Variants in OTUD7B observed in about 807,000 individuals in gnomAD.
OTUD7B encodes the protein OTU deubiquitinase 7B.
A neutral mutation model predicts 82.2 loss-of-function variants in OTUD7B; 34 were observed. The ratio of observed to expected loss-of-function variants is 0.41; its 90% CI spans 0.31 to 0.55. OTUD7B has a LOEUF of 0.55. OTUD7B is among the 20% of genes least tolerant of loss of function. The pLI is 0.20. For synonymous variants in OTUD7B, 398 were observed against 402.7 expected (o/e 0.99, Z 0.14); for missense variants, 944 against 1,062.1 (o/e 0.89, Z 1.55).
chr1:149,965,641 C>T (rs999905722), intron 5 of OTUD7B, 136 bp downstream of exon 5: 15 of 653,560 alleles, frequency 2.3e-5, no homozygotes, highest in Middle Eastern at 3.8e-4. Flanking sequence ...CAGACACACA[C>T]GTAAGCATGC....
chr1:149,970,263 T>C (rs1553777363), intron 3 of OTUD7B, among the ~76,000 whole-genome samples: 1 of 151,786 alleles, frequency 6.6e-6, no homozygotes, highest in Non-Finnish European at 1.5e-5. Flanking sequence ...ATAATGCTGC[T>C]GTGAATATCC....
At chr1:150,000,272 G>A (rs909012006) in intron 1 of OTUD7B, among the ~76,000 whole-genome samples, 8 of 151,850 alleles carry the variant, frequency 5.3e-5, no homozygotes, top group African/African-American at 7.2e-5. Flanking sequence ...TCAGGAGTTC[G>A]AGACCAGCCT....
At chr1:150,026,665 A>G in the OTUD7B span, among the ~76,000 whole-genome samples, 1 of 152,230 alleles carries the variant, frequency 6.6e-6, no homozygotes, top group African/African-American at 2.4e-5. Context: ...ATATAAGCCC[A>G]GGGCTACTTA....
At chr1:149,959,889 C>A in intron 6 of OTUD7B, 93 bp from the exon 7 acceptor site, 1 of 784,114 alleles carries the variant, frequency 1.3e-6, no homozygotes, top group East Asian at 2.4e-5. Context: ...TACTTACTCC[C>A]TAATCCCTTA....
At chr1:150,002,390 C>A (rs1405968015) in intron 1 of OTUD7B, among the ~76,000 whole-genome samples, 2 of 152,182 alleles carry the variant, frequency 1.3e-5, no homozygotes, top group African/African-American at 4.8e-5. Flanking sequence ...TGAATCACTA[C>A]AGCTGAAAAA....
chr1:150,062,708 C>CTT, the OTUD7B span, among the ~76,000 whole-genome samples: 11,076 of 95,960 alleles, frequency 0.12, 1,146 homozygotes, highest in Middle Eastern at 0.17. Flanking sequence ...CTTCTTCTTT[C>CTT]TTTTTTTTTT....
chr1:149,982,841 C>CTT (rs34122678), intron 1 of OTUD7B, among the ~76,000 whole-genome samples: 863 of 84,152 alleles, frequency 0.01, 66 homozygotes, highest in Admixed American at 0.048. Context: ...TCCTCTCTTA[C>CTT]TTTTTTTTTT....
Position 149,943,618 on chromosome 1 carries a change from T to C in OTUD7B, c.*239A>G. 1 of 528,602 alleles carries C rather than the reference T, an allele frequency of 1.9e-6. No homozygotes were observed. The allele number at this position is 528,602 out of a possible 1,614,324, so 32.7% of individuals were successfully genotyped here. On this transcript the variant is annotated 3_prime_UTR_variant, in exon 12 of 12. Transcript: ENST00000581312. ...AATCGCCATCTTTTCCCCTTGTACCTCAAACCTCATCAAGTCAAGCTCTGC... is the reference window on the plus strand; with the variant it reads ...AATCGCCATCTTTTCCCCTTGTACCCCAAACCTCATCAAGTCAAGCTCTGC...
chr1:149,983,828 G>A (rs782152982), intron 1 of OTUD7B, among the ~76,000 whole-genome samples: 2 of 152,158 alleles, frequency 1.3e-5, no homozygotes, highest in Admixed American at 1.3e-4. Flanking sequence ...AGTGGATTTA[G>A]GGAGAGAATT....
intron 1 of OTUD7B, among the ~76,000 whole-genome samples, chr1:149,996,400 C>A (rs1283122359): frequency 1.3e-5 from 2 of 152,050 alleles, no homozygotes; most frequent in African/African-American, 4.8e-5. Flanking sequence ...AACTGGGGTT[C>A]CACCTATTTT....
At chr1:150,038,308 T>C in the OTUD7B span, among the ~76,000 whole-genome samples, 2 of 152,146 alleles carry the variant, frequency 1.3e-5, no homozygotes, top group African/African-American at 4.8e-5. Flanking sequence ...ATTGACTATG[T>C]TTTCTTTATT....
the OTUD7B span, among the ~76,000 whole-genome samples, chr1:150,030,660 C>T: frequency 6.6e-6 from 1 of 152,178 alleles, no homozygotes; most frequent in African/African-American, 2.4e-5. Flanking sequence ...TTGAAATGTA[C>T]ACCAAATCTC....
At chr1:150,006,312 C>T (rs1553786067) in intron 1 of OTUD7B, among the ~76,000 whole-genome samples, 1 of 152,068 alleles carries the variant, frequency 6.6e-6, no homozygotes, top group Non-Finnish European at 1.5e-5. Flanking sequence ...AAAAAATTAA[C>T]CGGGCGTGGT....
chr1:150,040,662 A>T, the OTUD7B span, among the ~76,000 whole-genome samples: 1 of 150,892 alleles, frequency 6.6e-6, no homozygotes, highest in Non-Finnish European at 1.5e-5. Context: ...TTCTTTAGAG[A>T]TTATCTATAA....
chr1:150,012,036 C>G (rs782272890), upstream of OTUD7B, among the ~76,000 whole-genome samples: 1 of 152,222 alleles, frequency 6.6e-6, no homozygotes, highest in Non-Finnish European at 1.5e-5. Flanking sequence ...TAAGGCCAAA[C>G]AAGTCAGAGT....
intron 11 of OTUD7B, among the ~76,000 whole-genome samples, chr1:149,945,850 C>T (rs782616317): frequency 6.7e-6 from 1 of 150,302 alleles, no homozygotes; most frequent in Non-Finnish European, 1.5e-5. Context: ...CACCTGAGGT[C>T]GGGAGTTCCA....
chr1:150,023,827 G>A, the OTUD7B span, among the ~76,000 whole-genome samples: 1 of 152,260 alleles, frequency 6.6e-6, no homozygotes, highest in East Asian at 1.9e-4. Context: ...TGATGGATAT[G>A]TTAGTTAGCT....
chr1:149,987,098 G>A (rs1324985645), intron 1 of OTUD7B, among the ~76,000 whole-genome samples: 1 of 152,200 alleles, frequency 6.6e-6, no homozygotes, highest in Non-Finnish European at 1.5e-5. Flanking sequence ...AAACAACTCT[G>A]AGAACTTGGT....
At chr1:150,012,530 T>C (rs1227819698), upstream of OTUD7B, among the ~76,000 whole-genome samples, 1 of 152,166 alleles carries the variant, frequency 6.6e-6, no homozygotes, top group Non-Finnish European at 1.5e-5. Context: ...AACCAGGTTA[T>C]ACCCATATAA....
Sources: gnomAD v4.1 joint callset for allele counts (sites outside exome capture counted in the v4.1 genomes callset) on GRCh38, gnomAD v4.1.1 for gene constraint, MANE v1.5 for transcripts, NCBI Gene and HGNC (gene_info 2026-07-23, HGNC 2026-07-21) for gene names.